Variants in NKAIN2 observed in about 807,000 individuals in gnomAD.
NKAIN2 encodes the protein sodium/potassium-transporting ATPase subunit beta-1-interacting protein 2.
NKAIN2 carries 14 observed loss-of-function variants against 32.6 expected under a neutral mutation model. The ratio of observed to expected loss-of-function variants is 0.43; its 90% CI spans 0.28 to 0.67. The LOEUF is 0.67. Ranked by LOEUF, NKAIN2 falls within the 30% of genes least tolerant of loss-of-function variation. The pLI is 0.17. For synonymous variants in NKAIN2, 80 were observed against 87.2 expected (o/e 0.92, Z 0.46); for missense variants, 198 against 258.3 (o/e 0.77, Z 1.60).
At chr6:124,807,830 C>T (rs1479571255) in intron 5 of NKAIN2, among the ~76,000 whole-genome samples, 3 of 150,290 alleles carry the variant, frequency 2.0e-5, no homozygotes, top group African/African-American at 7.3e-5. Flanking sequence ...GAAATACAAA[C>T]TACCGTCAGA....
At chr6:124,447,556 T>C (rs1487439614) in intron 3 of NKAIN2, among the ~76,000 whole-genome samples, 3 of 152,120 alleles carry the variant, frequency 2.0e-5, no homozygotes, top group African/African-American at 4.8e-5. Flanking sequence ...TCAGGCCTTA[T>C]GCAGTTGCAG....
At position 124,341,110 on chromosome 6, in the gene NKAIN2, A is replaced by C. The variant is rs186652203; in HGVS notation, c.193-14157A>C. Among the ~76,000 whole-genome samples, 704 of 152,262 alleles carry C rather than the reference A, an allele frequency of 4.6e-3. 3 individuals are homozygous for C. Among genetic ancestry groups the C allele is most frequent in the Non-Finnish European group, 7.3e-3 (498 of 68,002 alleles). ...CTTAAGAATAGTGTTTAAGCAAAAT[A>C]TTTTCAGGCATGATTTCCAAAAGAG... On this transcript the variant is annotated intron_variant, in intron 2 of 6. Transcript: ENST00000368417.
chr6:123,826,145 A>G (rs1425193900), intron 1 of NKAIN2, among the ~76,000 whole-genome samples: 7 of 152,114 alleles, frequency 4.6e-5, no homozygotes, highest in Non-Finnish European at 1.0e-4. Context: ...AGGCCACTCC[A>G]TCAGCCCCAC....
rs577878084 is a variant in NKAIN2, at chr6:124,458,514, A to G, written c.273+103167A>G. Among the ~76,000 whole-genome samples, 13 of 152,038 alleles carry G rather than the reference A, an allele frequency of 8.6e-5. No individual in the cohort carries two copies. The East Asian group carries it at 2.1e-3, about 25-fold the overall frequency. ...AAATAAAATGACCCATTGAGGGAAT[A>G]CCATTTCCTCTGGATTCATATCTAT... On this transcript the variant is annotated intron_variant, in intron 3 of 6. Coordinates refer to ENST00000368417, the MANE Select transcript of NKAIN2 (RefSeq NM_001040214.3).
At chr6:124,436,817 TCA>T (rs1484934245) in intron 3 of NKAIN2, among the ~76,000 whole-genome samples, 1 of 152,144 alleles carries the variant, frequency 6.6e-6, no homozygotes, top group Non-Finnish European at 1.5e-5. Context: ...CCAGAACATG[TCA>T]CTGCTCTGCT....
chr6:124,204,518 C>T (rs1790761064), intron 1 of NKAIN2, among the ~76,000 whole-genome samples: 1 of 151,810 alleles, frequency 6.6e-6, no homozygotes, highest in South Asian at 2.1e-4. Context: ...TTGATTACCA[C>T]ATTAAGTATA....
At chr6:124,417,870 GGTGGACA>G (rs534810825) in intron 3 of NKAIN2, among the ~76,000 whole-genome samples, 4 of 152,064 alleles carry the variant, frequency 2.6e-5, no homozygotes, top group Admixed American at 6.5e-5. Context: ...AAGACATCCT[GGTGGACA>G]ATAGCCAGAA....
intron 4 of NKAIN2, among the ~76,000 whole-genome samples, chr6:124,725,662 G>T (rs942390099): frequency 6.6e-6 from 1 of 152,170 alleles, no homozygotes; most frequent in Non-Finnish European, 1.5e-5. Flanking sequence ...TTAAACTCCA[G>T]AACGATATTC....
At chr6:124,080,055 G>A (rs1783885805) in intron 1 of NKAIN2, among the ~76,000 whole-genome samples, 2 of 152,060 alleles carry the variant, frequency 1.3e-5, no homozygotes, top group Admixed American at 1.3e-4. Context: ...AAGGATGTGT[G>A]AAATATAGAT....
rs869207926 is a variant in NKAIN2 at position 124,157,268 on chromosome 6, T to TACAC, written c.55-125719_55-125716dup. 5.1e-3 allele frequency among the ~76,000 whole-genome samples: 453 copies of TACAC among 89,566 alleles called. 1 individual carries two copies. The highest frequency in any genetic ancestry group is 6.6e-3 in the Non-Finnish European group (276 of 41,616). The allele number at this position is 89,566 out of a possible 152,430, so 58.8% of individuals were successfully genotyped here. On this transcript the variant is annotated intron_variant, in intron 1 of 6. Transcript: ENST00000368417. The stretch of plus-strand genomic sequence containing the variant: ...CATAATGGACACACACACACACACA[T>TACAC]ACACACACACACACACACACAGCAT...
chr6:123,807,556 G>A (rs1299900852), intron 1 of NKAIN2, among the ~76,000 whole-genome samples: 1 of 152,086 alleles, frequency 6.6e-6, no homozygotes, highest in Non-Finnish European at 1.5e-5. Flanking sequence ...TTCAACTTGT[G>A]AAAGTTTTGG....
chr6:124,610,117 G>C (rs1391450918), intron 3 of NKAIN2, among the ~76,000 whole-genome samples: 1 of 152,108 alleles, frequency 6.6e-6, no homozygotes, highest in Non-Finnish European at 1.5e-5. Context: ...CACCTACTCT[G>C]TAAAACATTC....
chr6:123,819,315 A>G (rs977666656), intron 1 of NKAIN2, among the ~76,000 whole-genome samples: 1 of 152,140 alleles, frequency 6.6e-6, no homozygotes, highest in African/African-American at 2.4e-5. Context: ...AGCCAATGGA[A>G]GTTTAGGTGG....
At chr6:124,146,658 T>C (rs1469511051) in intron 1 of NKAIN2, among the ~76,000 whole-genome samples, 2 of 152,196 alleles carry the variant, frequency 1.3e-5, no homozygotes, top group African/African-American at 4.8e-5. Flanking sequence ...ATTCACACTG[T>C]AGAATATTAT....
intron 1 of NKAIN2, among the ~76,000 whole-genome samples, chr6:124,115,921 C>T (rs1785588661): frequency 6.6e-6 from 1 of 151,930 alleles, no homozygotes; most frequent in African/African-American, 2.4e-5. Flanking sequence ...TCTTAGTGTG[C>T]TATGTATCTT....
Position 124,570,412 on chromosome 6 carries a change from G to A in NKAIN2, c.274-87774G>A, listed in dbSNP as rs1215001988. Among the ~76,000 whole-genome samples the A allele has an allele frequency of 3.3e-5, 5 of 152,160 alleles. No individual in the cohort carries two copies. The East Asian group carries it at 9.7e-4, about 29-fold the overall frequency. ...CTTCACAGCAACCCCTCCCATCACA[G>A]TCCTGGAGGCCCAGGAGGAAAAAAT... On this transcript the variant is annotated intron_variant, in intron 3 of 6. Transcript: ENST00000368417.
intron 4 of NKAIN2, among the ~76,000 whole-genome samples, chr6:124,710,927 G>C (rs544914798): frequency 6.6e-6 from 1 of 151,324 alleles, no homozygotes. Context: ...TCCTAGTCTC[G>C]ATGGTCTTTA....
chr6:124,486,816 G>A (rs962280350), intron 3 of NKAIN2, among the ~76,000 whole-genome samples: 3 of 151,920 alleles, frequency 2.0e-5, no homozygotes, highest in African/African-American at 7.3e-5. Flanking sequence ...GCGGCCTTCA[G>A]GTTCAACCTC....
intron 2 of NKAIN2, among the ~76,000 whole-genome samples, chr6:124,343,700 T>G (rs1798258749): frequency 1.3e-5 from 2 of 149,688 alleles, no homozygotes; most frequent in Admixed American, 1.4e-4. Flanking sequence ...CTTGTAAATT[T>G]GTTTGAGTTC....
Sources: allele counts gnomAD v4.1 joint callset (sites outside exome capture counted in the v4.1 genomes callset), GRCh38; gene constraint gnomAD v4.1.1; transcripts MANE v1.5; gene names NCBI Gene and HGNC (gene_info 2026-07-23, HGNC 2026-07-21).